The following ARMC1 variants were observed in gnomAD, a reference collection of about 807,000 sequenced individuals.
The protein encoded by ARMC1 is armadillo repeat containing 1, also known as armadillo repeat-containing protein 1.
ARMC1 carries 16 observed loss-of-function variants against 31.4 expected under a neutral mutation model. The ratio of observed to expected loss-of-function variants is 0.51; its 90% CI spans 0.34 to 0.77. The LOEUF (loss-of-function observed/expected upper bound fraction) is 0.77. Ranked by LOEUF, ARMC1 falls within the 30% of genes least tolerant of loss-of-function variation. The pLI is 0.01. For synonymous variants in ARMC1, 114 were observed against 118.9 expected (o/e 0.96, Z 0.27); for missense variants, 259 against 347.5 (o/e 0.75, Z 2.02).
At chr8:65,612,970 A>T (rs888210409) in intron 4 of ARMC1, among the ~76,000 whole-genome samples, 3 of 152,214 alleles carry the variant, frequency 2.0e-5, no homozygotes, top group African/African-American at 7.2e-5. Flanking sequence ...TGCTTCCTGT[A>T]TTGAGAGAGT....
At chr8:65,629,797 T>TA (rs1808598873) in intron 1 of ARMC1, among the ~76,000 whole-genome samples, 1 of 48,098 alleles carries the variant, frequency 2.1e-5, no homozygotes, top group Non-Finnish European at 3.7e-5. Flanking sequence ...AGACTCCGTC[T>TA]CAAAAAAAAA....
At chr8:65,616,241 T>A (rs972744019) in intron 3 of ARMC1, among the ~76,000 whole-genome samples, 2 of 152,126 alleles carry the variant, frequency 1.3e-5, no homozygotes, top group African/African-American at 4.8e-5. Flanking sequence ...TGCCTGATTC[T>A]CCTGCCTCAG....
chr8:65,612,856 C>T (rs1808171325), intron 4 of ARMC1, among the ~76,000 whole-genome samples: 1 of 151,830 alleles, frequency 6.6e-6, no homozygotes, highest in Non-Finnish European at 1.5e-5. Context: ...AGTGAGACTC[C>T]ATCTCAAAAA....
intron 3 of ARMC1, among the ~76,000 whole-genome samples, chr8:65,620,179 G>T (rs1297805930): frequency 2.7e-5 from 4 of 150,720 alleles, no homozygotes; most frequent in African/African-American, 9.7e-5. Context: ...CTCTACATCA[G>T]AACTTTCTGA....
intron 1 of ARMC1, chr8:65,633,715 T>C (rs1808701837): frequency 6.6e-6 from 1 of 152,212 alleles, no homozygotes. Context: ...TACCAAAGAA[T>C]AACCTGGAGA....
At chr8:65,631,663 A>G (rs1808647000) in intron 1 of ARMC1, among the ~76,000 whole-genome samples, 1 of 152,248 alleles carries the variant, frequency 6.6e-6, no homozygotes, top group Non-Finnish European at 1.5e-5. Flanking sequence ...CTCTAACCCC[A>G]ATCATGTATT....
intron 4 of ARMC1, among the ~76,000 whole-genome samples, chr8:65,611,844 G>A (rs1390552042): frequency 6.6e-6 from 1 of 151,080 alleles, no homozygotes; most frequent in Non-Finnish European, 1.5e-5. Flanking sequence ...CGTGATCTCA[G>A]CTCACCACAA....
At chr8:65,629,348 T>C (rs1259697012) in intron 1 of ARMC1, among the ~76,000 whole-genome samples, 3 of 151,996 alleles carry the variant, frequency 2.0e-5, no homozygotes, top group African/African-American at 7.3e-5. Context: ...AACTGTTGAA[T>C]CTAAAACAAT....
At chr8:65,616,281 C>T (rs985745184) in intron 3 of ARMC1, among the ~76,000 whole-genome samples, 81 of 152,320 alleles carry the variant, frequency 5.3e-4, no homozygotes, top group African/African-American at 1.9e-3. Flanking sequence ...TGCAGGCACG[C>T]GCTGCCACGC....
At chr8:65,614,508 T>C (rs1339069938) in intron 3 of ARMC1, among the ~76,000 whole-genome samples, 1 of 152,208 alleles carries the variant, frequency 6.6e-6, no homozygotes, top group African/African-American at 2.4e-5. Flanking sequence ...TGGCTCTTAT[T>C]AGTGGAACTG....
At chr8:65,606,523 A>G (rs944813066) in intron 4 of ARMC1, among the ~76,000 whole-genome samples, 7 of 152,182 alleles carry the variant, frequency 4.6e-5, no homozygotes, top group Admixed American at 3.9e-4. Flanking sequence ...TCACTGCATC[A>G]TCCATTTATG....
chr8:65,618,330 G>A (rs1254426887), intron 3 of ARMC1, among the ~76,000 whole-genome samples: 1 of 151,852 alleles, frequency 6.6e-6, no homozygotes, highest in Non-Finnish European at 1.5e-5. Context: ...AGACCATCCT[G>A]GCTAACACGG....
Position 65,627,409 on chromosome 8 carries a change from AT to A in ARMC1, c.-12del. On this transcript the variant is annotated 5_prime_UTR_variant, in exon 2 of 7. The change abolishes an upstream ATG in the 5' untranslated region. Transcript: ENST00000276569. ...AGTGGAAGAATTCATCTTCTATGCCATGCACATGAATAAAATCTTAAATTCT... is the reference window on the plus strand; with the variant it reads ...AGTGGAAGAATTCATCTTCTATGCCAGCACATGAATAAAATCTTAAATTCT... The A allele has an allele frequency of 6.5e-7, 1 of 1,540,274 alleles. No individual in the cohort carries two copies. Among genetic ancestry groups the A allele is most frequent in the Non-Finnish European group, 8.8e-7 (1 of 1,141,738 alleles).
chr8:65,617,688 T>C (rs1251321998), intron 3 of ARMC1, among the ~76,000 whole-genome samples: 1 of 151,924 alleles, frequency 6.6e-6, no homozygotes, highest in Non-Finnish European at 1.5e-5. Flanking sequence ...TGGGAACGAC[T>C]AGACAGGGGC....
chr8:65,606,230 G>A (rs1214409861), intron 4 of ARMC1, among the ~76,000 whole-genome samples: 7 of 151,762 alleles, frequency 4.6e-5, no homozygotes, highest in African/African-American at 7.3e-5. Context: ...GCATGGTGGC[G>A]TGTGCCTGTA....
At chr8:65,615,365 A>T (rs1808226150) in intron 3 of ARMC1, among the ~76,000 whole-genome samples, 1 of 151,230 alleles carries the variant, frequency 6.6e-6, no homozygotes. Flanking sequence ...AAGAGCATGA[A>T]GAGACAATGA....
intron 1 of ARMC1, among the ~76,000 whole-genome samples, chr8:65,627,876 ACT>A: frequency 6.6e-6 from 1 of 152,308 alleles, no homozygotes; most frequent in South Asian, 2.1e-4. Flanking sequence ...AACCTAGCAT[ACT>A]CTGTCTACAA....
intron 1 of ARMC1, among the ~76,000 whole-genome samples, chr8:65,630,648 G>A (rs372218170): frequency 1.3e-5 from 2 of 152,022 alleles, no homozygotes; most frequent in Non-Finnish European, 2.9e-5. Context: ...GTGAAACTCC[G>A]TCTCTACTAA....
At chr8:65,623,157 A>T (rs1808430046) in intron 2 of ARMC1, among the ~76,000 whole-genome samples, 1 of 150,392 alleles carries the variant, frequency 6.6e-6, no homozygotes, top group Non-Finnish European at 1.5e-5. Context: ...AAAATACAAA[A>T]ATTAGCTGGG....
Sources: gnomAD v4.1 joint callset for allele counts (sites outside exome capture counted in the v4.1 genomes callset) on GRCh38, gnomAD v4.1.1 for gene constraint, MANE v1.5 for transcripts, NCBI Gene and HGNC (gene_info 2026-07-23, HGNC 2026-07-21) for gene names.